DNAJC7: variants seen among roughly 807,000 people sequenced by gnomAD.
The protein encoded by DNAJC7 is DnaJ heat shock protein family (Hsp40) member C7.
A neutral mutation model predicts 67.4 loss-of-function variants in DNAJC7; 18 were observed. The ratio of observed to expected loss-of-function variants is 0.27; its 90% confidence interval spans 0.18 to 0.40. The LOEUF is 0.40. Ranked by LOEUF, DNAJC7 falls within the 10% of genes least tolerant of loss-of-function variation. The pLI is 1.00. For missense variants in DNAJC7, 419 were observed against 613.8 expected, an observed-to-expected ratio of 0.68 and a Z score of 3.35; for synonymous variants, 220 against 207.8, an observed-to-expected ratio of 1.06 and a Z score of -0.50.
chr17:41,989,979 G>A (rs1480053164), intron 6 of DNAJC7, among the ~76,000 whole-genome samples: 1 of 152,246 alleles, frequency 6.6e-6, no homozygotes, highest in Admixed American at 6.5e-5. Context: ...CAGAAAGTGT[G>A]CCAACCAGTG....
intron 1 of DNAJC7, among the ~76,000 whole-genome samples, chr17:42,007,973 GTA>G (rs2052015037): frequency 6.7e-6 from 1 of 148,178 alleles, no homozygotes; most frequent in Non-Finnish European, 1.5e-5. Context: ...AGCCTCCCAA[GTA>G]GCTGGGATTA....
intron 4 of DNAJC7, 24 bp from the exon 5 acceptor site, chr17:41,994,968 G>A (rs2051616885): frequency 5.0e-6 from 8 of 1,603,560 alleles, no homozygotes; most frequent in Non-Finnish European, 6.8e-6. Context: ...TCAGACATAG[G>A]AAAGTTTTAA....
chr17:42,007,838 CTTTTTTTTTTTT>C (rs140104313), intron 1 of DNAJC7, among the ~76,000 whole-genome samples: 2 of 44,532 alleles, frequency 4.5e-5, no homozygotes, highest in South Asian at 1.8e-3. Context: ...AAAAAACTGC[CTTTTTTTTTTTT>C]TTTTTTTTTT....
intron 1 of DNAJC7, among the ~76,000 whole-genome samples, chr17:42,007,849 T>G (rs2052009208): frequency 7.2e-6 from 1 of 138,744 alleles, no homozygotes; most frequent in South Asian, 2.3e-4. Context: ...TTTTTTTTTT[T>G]TTTTTTTTTT....
intron 1 of DNAJC7, among the ~76,000 whole-genome samples, chr17:42,010,502 T>C (rs891378075): frequency 6.6e-6 from 1 of 151,774 alleles, no homozygotes; most frequent in Non-Finnish European, 1.5e-5. Flanking sequence ...CAAAAATATA[T>C]ATATATAAAG....
intron 5 of DNAJC7, 96 bp from the exon 6 acceptor site, chr17:41,990,478 T>C: frequency 1.0e-6 from 1 of 1,003,582 alleles, no homozygotes; most frequent in South Asian, 1.4e-5. Flanking sequence ...CAAAACTCAA[T>C]GAGGTCTTTG....
intron 9 of DNAJC7, among the ~76,000 whole-genome samples, chr17:41,987,127 G>A (rs2051404362): frequency 6.6e-6 from 1 of 152,146 alleles, no homozygotes; most frequent in South Asian, 2.1e-4. Context: ...AAACCAGCTG[G>A]TGGGTCTAAG....
At chr17:41,986,698 C>G (rs2051391689) in intron 9 of DNAJC7, among the ~76,000 whole-genome samples, 1 of 152,178 alleles carries the variant, frequency 6.6e-6, no homozygotes, top group African/African-American at 2.4e-5. Context: ...GATGGAATGA[C>G]TGACAGTCAG....
In DNAJC7 at chr17:41,999,208, G is replaced by A. The variant is rs528887198; in HGVS notation, c.166+1274C>T. On this transcript the variant is annotated intron_variant, in intron 2 of 13. Transcript: ENST00000457167. Reference sequence around the variant, plus strand: ...AGCAATTCTCCTGCCTCAGCCTCCCGAGTAGCTGGGATTACAAGCGCCCAC... The same window carrying A: ...AGCAATTCTCCTGCCTCAGCCTCCCAAGTAGCTGGGATTACAAGCGCCCAC... Among the ~76,000 whole-genome samples, 12 of 147,516 alleles carry A rather than the reference G, an allele frequency of 8.1e-5. No homozygotes were observed. The East Asian group carries it at 2.1e-3, about 26-fold the overall frequency.
chr17:41,993,901 T>C (rs1418199394), intron 5 of DNAJC7, among the ~76,000 whole-genome samples: 7 of 144,546 alleles, frequency 4.8e-5, no homozygotes, highest in African/African-American at 5.1e-5. Flanking sequence ...AAATTAGCCA[T>C]GCGTGGCAGC....
Position 41,976,692 on chromosome 17 carries a change from A to G in DNAJC7, c.*41T>C. The stretch of plus-strand genomic sequence containing the variant: ...TGTTTCCACATTCAAGATTAAACTG[A>G]GTGAATCTGCATTTTCTGGGTTCTG... On this transcript the variant is annotated 3_prime_UTR_variant, in exon 14 of 14. Transcript: ENST00000457167. The G allele has an allele frequency of 6.2e-7, 1 of 1,604,712 alleles. No homozygotes were observed.
intron 1 of DNAJC7, chr17:42,013,308 C>A (rs782588042): frequency 2.0e-5 from 3 of 152,180 alleles, no homozygotes; most frequent in Non-Finnish European, 4.4e-5. Flanking sequence ...AAATTGAAAT[C>A]CATCTCTTTT....
At chr17:41,986,129 G>A (rs1555646781) in intron 9 of DNAJC7, 4 of 144,732 alleles carry the variant, frequency 2.8e-5, no homozygotes, top group Non-Finnish European at 4.5e-5. Context: ...ACTTTGGGAG[G>A]CCAAGACAGG....
chr17:42,017,035 C>T, intron 1 of DNAJC7: 8 of 1,333,634 alleles, frequency 6.0e-6, no homozygotes, highest in Non-Finnish European at 7.7e-6. Context: ...CGCCGCTTCC[C>T]CCACCTCGCA....
intron 7 of DNAJC7, among the ~76,000 whole-genome samples, 172 bp from the exon 8 acceptor site, chr17:41,989,068 G>A (rs1444951554): frequency 6.6e-6 from 1 of 152,066 alleles, no homozygotes; most frequent in Non-Finnish European, 1.5e-5. Flanking sequence ...CCTACAGAGT[G>A]GACAGGAAAA....
At chr17:41,990,099 C>T (rs782035742) in intron 6 of DNAJC7, among the ~76,000 whole-genome samples, 165 bp downstream of exon 6, 7 of 152,168 alleles carry the variant, frequency 4.6e-5, no homozygotes, top group Non-Finnish European at 1.0e-4. Flanking sequence ...TCCTGTATAC[C>T]CTACGGGTTT....
rs868913066 is a variant in DNAJC7 at position 42,016,873 on chromosome 17, A to G, written c.77+467T>C. The G allele has an allele frequency of 9.1e-5, 80 of 875,890 alleles. 1 individual carries two copies. In the Middle Eastern group the frequency reaches 2.2e-3, roughly 24 times the overall value. 54.3% of individuals were successfully genotyped at this position (875,890 alleles called of 1,614,324 possible). On this transcript the variant is annotated intron_variant, in intron 1 of 13. Transcript: ENST00000457167. ...AGACACACAATCACTTCGAACCCAG[A>G]CTAGTGATCGCTGGGGTATAATTAC...
At chr17:41,990,215 A>T in intron 6 of DNAJC7, 49 bp downstream of exon 6, 1 of 1,491,940 alleles carries the variant, frequency 6.7e-7, no homozygotes, top group South Asian at 1.2e-5. Flanking sequence ...GGACACCATC[A>T]GTCCAATGGT....
rs201544874 is a variant in DNAJC7, at chr17:41,982,443, G to A, written c.1085-42C>T. 2.5e-6 allele frequency: 4 copies of A among 1,606,090 alleles called. No individual in the cohort carries two copies. The African/African-American group carries it at 5.4e-5, about 21-fold the overall frequency. Reference sequence around the variant, plus strand: ...GGCATCAGTGGACAAATCTGACTCTGGTTTTTTCCTCACCAGGTCTCAGCC... The same window carrying A: ...GGCATCAGTGGACAAATCTGACTCTAGTTTTTTCCTCACCAGGTCTCAGCC... On this transcript the variant is annotated intron_variant, in intron 10 of 13. Transcript: ENST00000457167.
Sources: allele counts gnomAD v4.1 joint callset (sites outside exome capture counted in the v4.1 genomes callset), GRCh38; gene constraint gnomAD v4.1.1; transcripts MANE v1.5; gene names NCBI Gene and HGNC (gene_info 2026-07-23, HGNC 2026-07-21).